Variants in CPN1 observed in about 807,000 individuals in gnomAD.
CPN1 encodes the protein carboxypeptidase N subunit 1.
In CPN1, 37 loss-of-function variants were observed where a neutral mutation model predicts 46.4. The ratio of observed to expected loss-of-function variants is 0.80; its 90% CI spans 0.61 to 1.05. The LOEUF is 1.05. Among genes scored for constraint, CPN1 ranks in the 50% least tolerant of loss-of-function variants. The probability of loss-of-function intolerance (pLI) is 0.00; values close to 1 mark genes in which losing one functional copy is unlikely to be tolerated. For missense variants in CPN1, 563 were observed against 602.6 expected, an observed-to-expected ratio of 0.93 and a Z score of 0.69; for synonymous variants, 224 against 235.4, an observed-to-expected ratio of 0.95 and a Z score of 0.44.
chr10:100,066,897 T>C (rs2041457523), intron 3 of CPN1, among the ~76,000 whole-genome samples: 1 of 152,240 alleles, frequency 6.6e-6, no homozygotes, highest in Non-Finnish European at 1.5e-5. Context: ...CCTAAGCCTC[T>C]ATCAGAACAA....
chr10:100,062,760 A>C (rs572533141), intron 5 of CPN1, among the ~76,000 whole-genome samples: 2 of 134,584 alleles, frequency 1.5e-5, no homozygotes, highest in Admixed American at 7.8e-5. Flanking sequence ...TGCCCACCTA[A>C]TTTTTCTTTT....
chr10:100,077,226 CCTT>C (rs2041520395), intron 1 of CPN1, among the ~76,000 whole-genome samples: 1 of 137,076 alleles, frequency 7.3e-6, no homozygotes, highest in Admixed American at 7.0e-5. Flanking sequence ...CCCGGTTTTA[CCTT>C]TTTTTTTTTT....
At chr10:100,074,485 G>A (rs572700796) in intron 2 of CPN1, among the ~76,000 whole-genome samples, 2 of 152,064 alleles carry the variant, frequency 1.3e-5, no homozygotes, top group Non-Finnish European at 2.9e-5. Context: ...GCACGATCTC[G>A]GCTCACCACA....
rs2041449762 is a variant in CPN1 at position 100,065,457 on chromosome 10, C to T, written c.577-87G>A. On this transcript the variant is annotated intron_variant, in intron 3 of 8. Transcript: ENST00000370418. ...TAGAGTAAGTCTGTCAGGAAGTGGC[C>T]TGAGGAGATAAAATGTCTGAATGAA... is the stretch of plus-strand genomic sequence containing the variant. 30 of 1,425,202 alleles carry T rather than the reference C, an allele frequency of 2.1e-5. No homozygotes were observed. The South Asian group carries it at 3.5e-4, about 16-fold the overall frequency. The allele number at this position is 1,425,202 out of a possible 1,614,324, so 88.3% of individuals were successfully genotyped here. A position where few individuals can be genotyped will look rare whatever the true frequency, so the allele number is the denominator to read the frequency against.
chr10:100,071,513 A>G (rs1398366953), intron 2 of CPN1, among the ~76,000 whole-genome samples: 2 of 152,124 alleles, frequency 1.3e-5, no homozygotes, highest in Non-Finnish European at 2.9e-5. Context: ...TCTTCTTACA[A>G]GGACACCAGT....
chr10:100,073,163 T>C (rs1460153972), intron 2 of CPN1, among the ~76,000 whole-genome samples: 2 of 152,218 alleles, frequency 1.3e-5, no homozygotes, highest in Non-Finnish European at 2.9e-5. Flanking sequence ...AAAACATAAT[T>C]GTTTTGAAGT....
rs1170556977 is a variant in CPN1 at position 100,076,072 on chromosome 10, C to T, written c.259G>A (p.Gly87Ser). The T allele has an allele frequency of 5.0e-6, 8 of 1,614,110 alleles. No homozygotes were observed. The Admixed American group carries it at 6.7e-5, about 13-fold the overall frequency. The change falls in exon 2 of 9, where the codon GGC becomes AGC. Residue 87 changes from glycine to serine, a missense_variant. Transcript: ENST00000370418. Reference protein sequence around the residue: ...PEVKYVGNMHGNEALGRELML... With the variant: ...PEVKYVGNMHSNEALGRELML... Reference sequence around the variant, plus strand: ...AGCTCGCGGCCCAACGCTTCGTTGCCGTGCATGTTCCCCACATACTTGACC... The same window carrying T: ...AGCTCGCGGCCCAACGCTTCGTTGCTGTGCATGTTCCCCACATACTTGACC...
chr10:100,062,485 G>C (rs1164603822), intron 5 of CPN1, among the ~76,000 whole-genome samples: 1 of 152,108 alleles, frequency 6.6e-6, no homozygotes, highest in Admixed American at 6.6e-5. Flanking sequence ...GCATACTACT[G>C]TGCTACTTTT....
intron 1 of CPN1, among the ~76,000 whole-genome samples, chr10:100,079,706 T>C (rs770763481): frequency 2.6e-5 from 4 of 152,202 alleles, no homozygotes; most frequent in Non-Finnish European, 4.4e-5. Flanking sequence ...GCTTTTAAAG[T>C]AGGAAAGTGG....
Position 100,063,720 on chromosome 10 carries a change from G to C in CPN1, c.765C>G (p.Ala255=). ...ATCCATGTGCATAGGAGTAGACCTTGGCCAGCTAGAGGAAAAGCAGGAGGA... is the reference window on the plus strand; with the variant it reads ...ATCCATGTGCATAGGAGTAGACCTTCGCCAGCTAGAGGAAAAGCAGGAGGA... ...TPDDKLFQKL[A]KVYSYAHGWM... is the part of the protein sequence containing the mutation. The change falls in exon 5 of 9, where the codon GCC becomes GCG. Residue 255 remains alanine (A), a synonymous_variant. Coordinates refer to ENST00000370418, the MANE Select transcript of CPN1 (RefSeq NM_001308.3). 6.2e-7 allele frequency: 1 copy of C among 1,613,598 alleles called. No individual in the cohort carries two copies. Among genetic ancestry groups the C allele is most frequent in the South Asian group, 1.1e-5 (1 of 91,076 alleles).
intron 7 of CPN1, among the ~76,000 whole-genome samples, chr10:100,049,759 A>C (rs1377399098): frequency 2.6e-5 from 4 of 152,204 alleles, no homozygotes; most frequent in Non-Finnish European, 5.9e-5. Context: ...TTTGTGGACT[A>C]TCTTAATAGG....
At chr10:100,065,156 C>A (rs376643579) in intron 4 of CPN1, 32 bp downstream of exon 4, 7 of 1,602,640 alleles carry the variant, frequency 4.4e-6, no homozygotes, top group African/African-American at 4.0e-5. Context: ...GCCCCAAGTT[C>A]CCCTGGCGGG....
Position 100,069,863 on chromosome 10 carries a change from T to C in CPN1, c.427A>G (p.Asn143Asp). 6.2e-7 allele frequency: 1 copy of C among 1,613,796 alleles called. No homozygotes were observed. The highest frequency in any genetic ancestry group is 8.5e-7 in the Non-Finnish European group (1 of 1,179,980). ...CTGCCAACTAGATACCCAGGCTTGT[T>C]TGGGCCCTAAAGGAAAATGAAAAGA... ...GYEVAAAQGP[N>D]KPGYLVGRNN... is the part of the protein sequence containing the mutation. Residue 143 changes from asparagine (N) to aspartate (D), a missense_variant, in exon 3 of 9, where the codon AAC becomes GAC. Asn to Asp is a conservative substitution (Grantham distance 23). Coordinates refer to ENST00000370418, the MANE Select transcript of CPN1 (RefSeq NM_001308.3).
chr10:100,043,587 C>T (rs1252876478), intron 8 of CPN1, among the ~76,000 whole-genome samples: 1 of 152,190 alleles, frequency 6.6e-6, no homozygotes, highest in East Asian at 1.9e-4. Context: ...AGAACTAAAC[C>T]TTCTGCCTAC....
At chr10:100,044,872 G>A (rs940501552) in intron 8 of CPN1, among the ~76,000 whole-genome samples, 1 of 152,002 alleles carries the variant, frequency 6.6e-6, no homozygotes, top group East Asian at 1.9e-4. Flanking sequence ...TACCACACTT[G>A]GCTAATTTTT....
In CPN1 at chr10:100,042,247, C is replaced by T; in HGVS notation, c.*180G>A. ...CCACCACATCACCTTTCAATAGATCCTAATTTTTTTCATGATGACCTAGAG... is the reference window on the plus strand; with the variant it reads ...CCACCACATCACCTTTCAATAGATCTTAATTTTTTTCATGATGACCTAGAG... On this transcript the variant is annotated 3_prime_UTR_variant, in exon 9 of 9. Transcript: ENST00000370418. 1.2e-6 allele frequency: 1 copy of T among 801,586 alleles called. No individual in the cohort carries two copies. Among genetic ancestry groups the T allele is most frequent in the South Asian group, 1.6e-5 (1 of 63,052 alleles). The allele number at this position is 801,586 out of a possible 1,614,324, so 49.7% of individuals were successfully genotyped here. A position where few individuals can be genotyped will look rare whatever the true frequency, so the allele number is the denominator to read the frequency against.
In CPN1 at chr10:100,065,371, C is replaced by T; in HGVS notation, c.577-1G>A. ...TCACCGCCCGGGTCTCGGGTTCCAC[C>T]TGGGAGGAGGCGAGAGGTTGGCGGT... On this transcript the variant is annotated splice_acceptor_variant, in intron 3 of 8. Transcript: ENST00000370418. LOFTEE classifies it high-confidence loss of function. 1 of 1,614,116 alleles carries T rather than the reference C, an allele frequency of 6.2e-7. No individual in the cohort carries two copies. Among genetic ancestry groups the T allele is most frequent in the South Asian group, 1.1e-5 (1 of 91,082 alleles).
chr10:100,050,739 C>T (rs2041347138), intron 7 of CPN1, among the ~76,000 whole-genome samples: 1 of 152,160 alleles, frequency 6.6e-6, no homozygotes, highest in South Asian at 2.1e-4. Context: ...ATTTTCCTGC[C>T]TCAGCCTTTT....
intron 2 of CPN1, among the ~76,000 whole-genome samples, chr10:100,070,094 C>T (rs2041475998): frequency 6.6e-6 from 1 of 151,612 alleles, no homozygotes; most frequent in South Asian, 2.1e-4. Context: ...GCTAATTGTT[C>T]TTTATTCTTT....
Sources: gnomAD v4.1 joint callset for allele counts (sites outside exome capture counted in the v4.1 genomes callset) on GRCh38, gnomAD v4.1.1 for gene constraint, MANE v1.5 for transcripts, NCBI Gene and HGNC (gene_info 2026-07-23, HGNC 2026-07-21) for gene names.